Variants in MRC1 observed in about 807,000 individuals in gnomAD.
The protein encoded by MRC1 is macrophage mannose receptor 1.
Under a neutral mutation model 102.9 loss-of-function variants are expected in MRC1, and 62 were observed. The observed-to-expected ratio is 0.60, with a 90% CI of 0.49 to 0.74. The LOEUF is 0.74. Ranked by LOEUF, MRC1 falls within the 30% of genes least tolerant of loss-of-function variation. MRC1 has a pLI of 0.00. For missense variants in MRC1, 1,237 were observed against 862.8 expected (o/e 1.43, Z -5.43); for synonymous variants, 457 against 298.4 (o/e 1.53, Z -5.48).
At chr10:17,882,597 G>T (rs905660537) in intron 21 of MRC1, among the ~76,000 whole-genome samples, 88 of 151,924 alleles carry the variant, frequency 5.8e-4, no homozygotes, top group Middle Eastern at 3.4e-3. Flanking sequence ...AATAAGAAAG[G>T]CACTAGAAAC....
rs1055672971 is a variant in MRC1 at position 17,895,927 on chromosome 10, A to G, written c.3250+1615A>G. 1.2e-3 allele frequency among the ~76,000 whole-genome samples: 179 copies of G among 152,352 alleles called. 1 individual carries two copies. The highest frequency in any genetic ancestry group is 3.8e-3 in the African/African-American group (158 of 41,588). Reference sequence around the variant, plus strand: ...CTCATATTTATACCCACTTTTAATTACATGCAAATGAAGGGGCAGGTTATT... The same window carrying G: ...CTCATATTTATACCCACTTTTAATTGCATGCAAATGAAGGGGCAGGTTATT... On this transcript the variant is annotated intron_variant, in intron 23 of 29. Transcript: ENST00000569591.
At chr10:17,909,729 G>T (rs1833944070) in intron 29 of MRC1, among the ~76,000 whole-genome samples, 3 of 147,608 alleles carry the variant, frequency 2.0e-5, no homozygotes, top group South Asian at 2.2e-4. Context: ...CATTTTGTTG[G>T]CTGCTTAAAA....
chr10:17,870,869 A>G lies in MRC1; in HGVS notation c.2133A>G (p.Lys711=). The G allele has an allele frequency of 1.1e-6, 1 of 872,348 alleles. No individual in the cohort carries two copies. The allele number at this position is 872,348 out of a possible 1,614,324, so 54.0% of individuals were successfully genotyped here. A position where few individuals can be genotyped will look rare whatever the true frequency, so the allele number is the denominator to read the frequency against. The change falls in exon 14 of 30, where the codon AAA becomes AAG. Residue 711 remains lysine (K), a synonymous_variant. Coordinates refer to ENST00000569591, the MANE Select transcript of MRC1 (RefSeq NM_002438.4). ...ATAGAGCTAGTGGAAGCTACCACAAACTGTTTTGGTTGGGATTGACATATG... is the reference window on the plus strand; with the variant it reads ...ATAGAGCTAGTGGAAGCTACCACAAGCTGTTTTGGTTGGGATTGACATATG... ...RLITASGSYH[K]LFWLGLTYGS...
At chr10:17,874,533 T>C (rs1167530312) in intron 16 of MRC1, among the ~76,000 whole-genome samples, 2 of 152,180 alleles carry the variant, frequency 1.3e-5, no homozygotes, top group African/African-American at 4.8e-5. Flanking sequence ...ATTCATAGGT[T>C]CCAGGGGTTA....
Position 17,849,750 on chromosome 10 carries a change from C to T in MRC1, c.1235C>T (p.Ser412Phe), listed in dbSNP as rs1429346999. 2.6e-6 allele frequency: 2 copies of T among 780,706 alleles called. No homozygotes were observed. The highest frequency in any genetic ancestry group is 4.8e-6 in the Non-Finnish European group (2 of 417,990). The allele number at this position is 780,706 out of a possible 1,614,324, so 48.4% of individuals were successfully genotyped here. A position where few individuals can be genotyped will look rare whatever the true frequency, so the allele number is the denominator to read the frequency against. ...HTIEELDFII[S>F]QLGYEPNDEL... ...ATCGAGGAATTGGACTTTATTATCT[C>T]CCAGCTAGGATATGGTGAGAAACTT... Residue 412 changes from serine (S) to phenylalanine (F), a missense_variant, in exon 7 of 30, where the codon TCC (serine) becomes TTC (phenylalanine). Coordinates refer to ENST00000569591, the MANE Select transcript of MRC1 (RefSeq NM_002438.4).
rs1235828355 is a variant in MRC1, at chr10:17,863,742, T to G, written c.1783+60T>G. On this transcript the variant is annotated intron_variant, in intron 11 of 29. Coordinates refer to ENST00000569591, the MANE Select transcript of MRC1 (RefSeq NM_002438.4). Reference sequence around the variant, plus strand: ...CCCTACGAATCTGTTAGATAAAGTCTGTTATTCCTCCGGGTATCTCTGCAA... The same window carrying G: ...CCCTACGAATCTGTTAGATAAAGTCGGTTATTCCTCCGGGTATCTCTGCAA... The G allele has an allele frequency of 3.9e-6, 3 of 760,740 alleles. No individual in the cohort carries two copies. The East Asian group carries it at 7.3e-5, about 19-fold the overall frequency. The allele number at this position is 760,740 out of a possible 1,614,324, so 47.1% of individuals were successfully genotyped here.
intron 1 of MRC1, among the ~76,000 whole-genome samples, chr10:17,813,123 G>T (rs1838251074): frequency 6.6e-6 from 1 of 152,186 alleles, no homozygotes; most frequent in African/African-American, 2.4e-5. Context: ...GCTCAGGGAG[G>T]TAAAATGTCC....
intron 3 of MRC1, 63 bp from the exon 4 acceptor site, chr10:17,833,612 T>A: frequency 1.3e-6 from 1 of 778,954 alleles, no homozygotes. Flanking sequence ...GTTTAAATAA[T>A]ACTATTCACT....
At chr10:17,825,766 T>C (rs1423427241) in intron 2 of MRC1, among the ~76,000 whole-genome samples, 4 of 152,176 alleles carry the variant, frequency 2.6e-5, no homozygotes, top group Admixed American at 2.6e-4. Flanking sequence ...CTATATGTCA[T>C]TGGCATCTGT....
chr10:17,895,757 G>T (rs933470522), intron 23 of MRC1, among the ~76,000 whole-genome samples: 9 of 152,198 alleles, frequency 5.9e-5, no homozygotes, highest in African/African-American at 1.9e-4. Flanking sequence ...GGCTTACCCC[G>T]GGAGGGTTCT....
In MRC1 at chr10:17,907,585, C is replaced by G. The variant is rs781889150; in HGVS notation, c.3965C>G (p.Thr1322Arg). The change falls in exon 28 of 30, where the codon ACA becomes AGA. Residue 1322 changes from threonine to arginine, a missense_variant. Physicochemically the swap from Thr to Arg is moderately conservative, Grantham distance 71 (BLOSUM62 -1). Transcript: ENST00000569591. ...NSPVSFVNWN[T>R]GDPSGERNDC... is the part of the protein sequence containing the mutation. ...CCGGTCTCCTTTGTCAACTGGAACA[C>G]AGGAGATCCCTCTGGTGAACGGAAT... 1.0e-5 allele frequency: 8 copies of G among 780,782 alleles called. No individual in the cohort carries two copies. The highest frequency in any genetic ancestry group is 1.2e-5 in the Non-Finnish European group (5 of 417,970). The allele number at this position is 780,782 out of a possible 1,614,324, so 48.4% of individuals were successfully genotyped here.
intron 3 of MRC1, among the ~76,000 whole-genome samples, chr10:17,828,956 G>A (rs1279615866): frequency 2.6e-5 from 4 of 151,416 alleles, no homozygotes; most frequent in East Asian, 1.9e-4. Flanking sequence ...TTAGCTTCAC[G>A]TTCCCCATCA....
chr10:17,898,496 G>A (rs2130714603), intron 24 of MRC1, among the ~76,000 whole-genome samples: 1 of 152,330 alleles, frequency 6.6e-6, no homozygotes, highest in African/African-American at 2.4e-5. Context: ...TCTGATGAAT[G>A]TTAACTCTCC....
At chr10:17,834,325 G>T (rs975565653) in intron 4 of MRC1, among the ~76,000 whole-genome samples, 3 of 152,126 alleles carry the variant, frequency 2.0e-5, no homozygotes, top group African/African-American at 7.2e-5. Flanking sequence ...CCTGTCCCTC[G>T]AACCCCCAGG....
In MRC1 at chr10:17,872,246, T is replaced by G. The variant is rs1833364399; in HGVS notation, c.2344+120T>G. The G allele has an allele frequency of 3.9e-6, 3 of 770,992 alleles. No homozygotes were observed. In the African/African-American group the frequency reaches 5.1e-5, roughly 13 times the overall value. The allele number at this position is 770,992 out of a possible 1,614,324, so 47.8% of individuals were successfully genotyped here. On this transcript the variant is annotated intron_variant, in intron 15 of 29. Transcript: ENST00000569591. ...AATAACAAAATCAGGAAACTGTCAG[T>G]GGCCATCATTGCATAGGATAAGCAT...
intron 25 of MRC1, among the ~76,000 whole-genome samples, chr10:17,901,239 G>A (rs1200375004): frequency 6.6e-6 from 1 of 152,076 alleles, no homozygotes; most frequent in Non-Finnish European, 1.5e-5. Context: ...AGTCAATGAT[G>A]GACACCATAC....
chr10:17,828,832 C>G (rs1435489170), intron 3 of MRC1, among the ~76,000 whole-genome samples: 2 of 151,482 alleles, frequency 1.3e-5, no homozygotes, highest in Admixed American at 6.6e-5. Flanking sequence ...TGGTGTTCTT[C>G]CACGCTTAAA....
chr10:17,819,514 G>A (rs1418138421), intron 1 of MRC1, among the ~76,000 whole-genome samples: 2 of 151,484 alleles, frequency 1.3e-5, no homozygotes, highest in African/African-American at 4.9e-5. Flanking sequence ...AGAGAAGAGG[G>A]TGGAGAGAGG....
rs530434517 is a variant in MRC1 at position 17,820,530 on chromosome 10, A to T, written c.62-2544A>T. Among the ~76,000 whole-genome samples, 5 of 152,338 alleles carry T rather than the reference A, an allele frequency of 3.3e-5. 1 individual carries two copies. Among genetic ancestry groups the T allele is most frequent in the African/African-American group, 1.2e-4 (5 of 41,582 alleles). On this transcript the variant is annotated intron_variant, in intron 1 of 29. Transcript: ENST00000569591. ...CCTTCTCTTAAAAGACTGGTTGCCA[A>T]TCAGTTAATTGACTGAATTTGACCA... is the stretch of plus-strand genomic sequence containing the variant.
Sources: gnomAD v4.1 joint callset for allele counts (sites outside exome capture counted in the v4.1 genomes callset) on GRCh38, gnomAD v4.1.1 for gene constraint, MANE v1.5 for transcripts, NCBI Gene and HGNC (gene_info 2026-07-23, HGNC 2026-07-21) for gene names.